CPA3: variants seen among roughly 807,000 people sequenced by gnomAD.
CPA3 encodes carboxypeptidase A3.
A neutral mutation model predicts 55.8 loss-of-function variants in CPA3; 52 were observed. That is an observed-to-expected ratio of 0.93 (90% confidence interval 0.75 to 1.17). The LOEUF (loss-of-function observed/expected upper bound fraction) is 1.17. CPA3 is among the 50% of genes most tolerant of loss of function. The pLI is 0.00. For missense variants in CPA3, 547 were observed against 509.1 expected (o/e 1.07, Z -0.72); for synonymous variants, 179 against 171.2 (o/e 1.05, Z -0.36).
intron 10 of CPA3, among the ~76,000 whole-genome samples, chr3:148,891,288 G>C (rs1220590006): frequency 6.6e-6 from 1 of 152,102 alleles, no homozygotes; most frequent in African/African-American, 2.4e-5. Context: ...GGTACACATG[G>C]AGATAAAGAA....
chr3:148,885,496 C>T lies in CPA3; in HGVS notation c.982-597C>T, dbSNP rs560757289. On this transcript the variant is annotated intron_variant, in intron 9 of 10. Transcript: ENST00000296046. ...CGCAATCTTGGCTCACTACAACCTC[C>T]GACTCCCTGGTTCAAGCGATTCTCC... Among the ~76,000 whole-genome samples the T allele has an allele frequency of 5.4e-5, 8 of 149,156 alleles. No individual in the cohort carries two copies. The East Asian group carries it at 7.9e-4, about 15-fold the overall frequency.
intron 10 of CPA3, 71 bp downstream of exon 10, chr3:148,886,248 G>T (rs1714524725): frequency 8.8e-7 from 1 of 1,134,100 alleles, no homozygotes; most frequent in Admixed American, 2.3e-5. Context: ...GAAAATTATG[G>T]AATTTGCAAT....
At chr3:148,885,962 A>G in intron 9 of CPA3, 131 bp from the exon 10 acceptor site, 1 of 662,534 alleles carries the variant, frequency 1.5e-6, no homozygotes, top group Non-Finnish European at 2.6e-6. Context: ...TCTTGAAACT[A>G]AAGATCAAGG....
chr3:148,872,952 A>C (rs963360352), intron 3 of CPA3, among the ~76,000 whole-genome samples: 5 of 152,128 alleles, frequency 3.3e-5, no homozygotes, highest in Admixed American at 6.5e-5. Flanking sequence ...AATGGAATCT[A>C]TTTCATAGGG....
chr3:148,880,558 C>G (rs1033653028), intron 6 of CPA3, among the ~76,000 whole-genome samples: 1 of 152,140 alleles, frequency 6.6e-6, no homozygotes, highest in Admixed American at 6.5e-5. Context: ...TATCAAACTC[C>G]TGATCCCAAG....
Position 148,896,109 on chromosome 3 carries a change from T to C in CPA3, c.1067-411T>C, listed in dbSNP as rs1714819629. 4.6e-5 allele frequency among the ~76,000 whole-genome samples: 7 copies of C among 152,190 alleles called. No individual in the cohort carries two copies. The South Asian group carries it at 1.5e-3, about 32-fold the overall frequency. ...CTAGCAACATGAAAAACAAGAGACC[T>C]AAGCTATTAGAAGAAATGCAATTCT... On this transcript the variant is annotated intron_variant, in intron 10 of 10. Transcript: ENST00000296046.
intron 3 of CPA3, among the ~76,000 whole-genome samples, chr3:148,875,718 A>G (rs559352539): frequency 3.7e-4 from 56 of 152,330 alleles, no homozygotes; most frequent in African/African-American, 1.2e-3. Context: ...ATTTTTTGTG[A>G]GGGTATTTGT....
At chr3:148,895,223 C>T (rs911124129) in intron 10 of CPA3, among the ~76,000 whole-genome samples, 3 of 152,168 alleles carry the variant, frequency 2.0e-5, no homozygotes, top group Non-Finnish European at 2.9e-5. Context: ...TGCTCTGGTC[C>T]AGCTGGATCT....
intron 3 of CPA3, among the ~76,000 whole-genome samples, chr3:148,874,193 G>T (rs1714149437): frequency 6.6e-6 from 1 of 151,670 alleles, no homozygotes; most frequent in South Asian, 2.1e-4. Flanking sequence ...AACTCACACT[G>T]TTTTTTTTGC....
intron 10 of CPA3, 107 bp downstream of exon 10, chr3:148,886,284 A>C (rs1449938319): frequency 4.2e-6 from 3 of 706,728 alleles, no homozygotes; most frequent in Non-Finnish European, 7.1e-6. Flanking sequence ...TGGAATTGCT[A>C]ATTTAAATTC....
At chr3:148,873,633 G>A (rs1448181768) in intron 3 of CPA3, among the ~76,000 whole-genome samples, 1 of 152,174 alleles carries the variant, frequency 6.6e-6, no homozygotes, top group Non-Finnish European at 1.5e-5. Flanking sequence ...AGATCTGACG[G>A]CAATACCCAA....
chr3:148,885,706 G>T (rs527521054), intron 9 of CPA3, among the ~76,000 whole-genome samples: 10 of 151,904 alleles, frequency 6.6e-5, no homozygotes, highest in South Asian at 2.1e-4. Flanking sequence ...CACCGTGCCC[G>T]GCCAAGTCTT....
chr3:148,877,440 G>A (rs1363480515), intron 3 of CPA3, among the ~76,000 whole-genome samples: 1 of 150,730 alleles, frequency 6.6e-6, no homozygotes, highest in Non-Finnish European at 1.5e-5. Flanking sequence ...GTTGTGGTGA[G>A]CCGAGATCAC....
intron 10 of CPA3, among the ~76,000 whole-genome samples, chr3:148,891,322 A>C (rs1714659850): frequency 6.6e-6 from 1 of 152,146 alleles, no homozygotes; most frequent in Non-Finnish European, 1.5e-5. Flanking sequence ...ATGTTAAACA[A>C]ATTAAGTTCT....
Position 148,886,018 on chromosome 3 carries a change from T to A in CPA3, c.982-75T>A. ...TGTAAGACTCCATTAAAAAATTGCA[T>A]ACATACATAATTACATATTCCTTGG... On this transcript the variant is annotated intron_variant, in intron 9 of 10. Transcript: ENST00000296046. 2.9e-6 allele frequency: 3 copies of A among 1,026,084 alleles called. No individual in the cohort carries two copies. In the South Asian group the frequency reaches 4.1e-5, roughly 14 times the overall value. 63.6% of individuals were successfully genotyped at this position (1,026,084 alleles called of 1,614,324 possible).
chr3:148,887,191 C>T (rs1306303294), intron 10 of CPA3, among the ~76,000 whole-genome samples: 1 of 152,080 alleles, frequency 6.6e-6, no homozygotes, highest in Non-Finnish European at 1.5e-5. Flanking sequence ...TGCAGGTACT[C>T]AACCGGAGAA....
At chr3:148,867,771 G>A (rs1713944409) in intron 2 of CPA3, among the ~76,000 whole-genome samples, 1 of 152,182 alleles carries the variant, frequency 6.6e-6, no homozygotes, top group Non-Finnish European at 1.5e-5. Flanking sequence ...AAGCAGGGGT[G>A]GAAATTGAGC....
At chr3:148,868,787 A>G in intron 2 of CPA3, 128 bp from the exon 3 acceptor site, 1 of 945,556 alleles carries the variant, frequency 1.1e-6, no homozygotes, top group South Asian at 2.3e-5. Context: ...TTATTAAAAG[A>G]AGGGTCTGTA....
intron 5 of CPA3, among the ~76,000 whole-genome samples, chr3:148,879,352 G>A (rs911539130): frequency 6.6e-6 from 1 of 152,100 alleles, no homozygotes; most frequent in African/African-American, 2.4e-5. Context: ...CAAGTATCCA[G>A]TACTATTTCC....
Sources: allele counts gnomAD v4.1 joint callset (sites outside exome capture counted in the v4.1 genomes callset), GRCh38; gene constraint gnomAD v4.1.1; transcripts MANE v1.5; gene names NCBI Gene and HGNC (gene_info 2026-07-23, HGNC 2026-07-21).